Variants in UFSP2 observed in about 807,000 individuals in gnomAD.
The protein encoded by UFSP2 is UFM1 specific peptidase 2.
Under a neutral mutation model 60.2 loss-of-function variants are expected in UFSP2, and 43 were observed. The observed-to-expected ratio is 0.71, with a 90% CI of 0.56 to 0.92. UFSP2 has a LOEUF of 0.92. UFSP2 is among the 40% of genes least tolerant of loss of function. The probability of loss-of-function intolerance (pLI) is 0.00; values close to 1 mark genes in which losing one functional copy is unlikely to be tolerated. For synonymous variants in UFSP2, 183 were observed against 195.1 expected (o/e 0.94, Z 0.52); for missense variants, 520 against 575.0 (o/e 0.90, Z 0.98).
In UFSP2 at chr4:185,413,762, A is replaced by G; in HGVS notation, c.795T>C (p.His265=). ...PYKDGYIRNP[H]TYLNPPNMET... The stretch of plus-strand genomic sequence containing the variant: ...CCATGTTAGGTGGATTAAGGTAAGT[A>G]TGTGGATTTCTAATGTAACCATCTT... Residue 265 remains histidine, a synonymous_variant, in exon 7 of 12, where the codon CAT becomes CAC. Coordinates refer to ENST00000264689, the MANE Select transcript of UFSP2 (RefSeq NM_018359.5). 6.2e-7 allele frequency: 1 copy of G among 1,613,428 alleles called. No individual in the cohort carries two copies.
At chr4:185,425,824 C>T (rs2095558998) in intron 1 of UFSP2, 42 bp downstream of exon 1, 1 of 1,595,928 alleles carries the variant, frequency 6.3e-7, no homozygotes, top group South Asian at 1.1e-5. Flanking sequence ...TGCCAAAGTC[C>T]GGGGAAAAAC....
chr4:185,420,715 T>TA (rs1344693985), intron 2 of UFSP2, among the ~76,000 whole-genome samples: 4 of 152,034 alleles, frequency 2.6e-5, no homozygotes, highest in Admixed American at 6.6e-5. Context: ...TAAAGTTACC[T>TA]AAAAAAAACT....
chr4:185,402,390 A>T, intron 11 of UFSP2: 1 of 445,362 alleles, frequency 2.2e-6, no homozygotes, highest in Non-Finnish European at 4.5e-6. Flanking sequence ...CTGTAACAAC[A>T]CATTTCTATC....
rs780976023 is a variant in UFSP2, at chr4:185,399,756, TG to T, written c.*635del. The T allele has an allele frequency of 8.7e-6, 14 of 1,614,100 alleles. No homozygotes were observed. In the Admixed American group the frequency reaches 2.2e-4, roughly 25 times the overall value. ...GTCTCGGAAGTGTAGAAAATACCAG[TG>T]GGAAAAGGAAGTGCTGGTAAGTAAC... On this transcript the variant is annotated 3_prime_UTR_variant, in exon 12 of 12. Transcript: ENST00000264689.
chr4:185,414,162 CAT>C (rs1162458479), intron 6 of UFSP2, among the ~76,000 whole-genome samples: 3 of 152,132 alleles, frequency 2.0e-5, no homozygotes, highest in Non-Finnish European at 2.9e-5. Context: ...TTTATTACAA[CAT>C]AGTCTGTTAA....
chr4:185,418,162 G>A (rs1458581880), intron 4 of UFSP2, among the ~76,000 whole-genome samples: 3 of 151,960 alleles, frequency 2.0e-5, no homozygotes, highest in African/African-American at 7.3e-5. Context: ...TTCAGAATGC[G>A]ATTTAATTTA....
chr4:185,421,724 C>A (rs1355288250), intron 2 of UFSP2, among the ~76,000 whole-genome samples: 2 of 152,204 alleles, frequency 1.3e-5, no homozygotes, highest in African/African-American at 2.4e-5. Context: ...GCAAAACAGA[C>A]TAATACAGTA....
chr4:185,405,798 C>T lies in UFSP2; in HGVS notation c.1180G>A (p.Gly394Arg). Residue 394 changes from glycine to arginine, a missense_variant, in exon 10 of 12, where the codon GGA becomes AGA. Physicochemically the swap from Gly to Arg is moderately radical, Grantham distance 125. Transcript: ENST00000264689. ...RELANHFQSE[G>R]TPVMIGGGVL... ...AGCTTACCGATCATAACTGGAGTTC[C>T]TTCACTTTGGAAATGATTAGCCAGT... 1 of 1,614,024 alleles carries T rather than the reference C, an allele frequency of 6.2e-7. No individual in the cohort carries two copies. The highest frequency in any genetic ancestry group is 2.2e-5 in the East Asian group (1 of 44,856).
Position 185,415,197 on chromosome 4 carries a change from A to C in UFSP2, c.642T>G (p.Tyr214Ter), listed in dbSNP as rs776788760. 3 of 1,607,290 alleles carry C rather than the reference A, an allele frequency of 1.9e-6. No homozygotes were observed. Among genetic ancestry groups the C allele is most frequent in the Non-Finnish European group, 2.5e-6 (3 of 1,178,748 alleles). ...PGKKNLVTIS[Y>*]PSGIPDGQLQ... Reference sequence around the variant, plus strand: ...GCTGGCCATCTGGTATTCCTGAAGGATATGAAATTGTTACAAGATTTTTTT... The same window carrying C: ...GCTGGCCATCTGGTATTCCTGAAGGCTATGAAATTGTTACAAGATTTTTTT... Residue 214 changes from tyrosine to a stop codon, truncating the protein, a stop_gained, in exon 6 of 12, where the codon TAT becomes TAG. Transcript: ENST00000264689. LOFTEE classifies it high-confidence loss of function.
intron 9 of UFSP2, among the ~76,000 whole-genome samples, chr4:185,406,489 C>G (rs2095520619): frequency 6.6e-6 from 1 of 151,986 alleles, no homozygotes; most frequent in Non-Finnish European, 1.5e-5. Context: ...AACCTTAGCT[C>G]TTGCTTAATG....
At chr4:185,403,149 A>T (rs1227919608) in intron 11 of UFSP2, among the ~76,000 whole-genome samples, 3 of 152,242 alleles carry the variant, frequency 2.0e-5, no homozygotes, top group Non-Finnish European at 4.4e-5. Flanking sequence ...TAAAATTTTA[A>T]AAGTTTATAT....
intron 7 of UFSP2, among the ~76,000 whole-genome samples, chr4:185,410,957 A>G (rs543564143): frequency 1.3e-5 from 2 of 151,250 alleles, no homozygotes; most frequent in South Asian, 2.1e-4. Flanking sequence ...AAAAAAAAAA[A>G]AAAGAAAGAA....
chr4:185,400,712 A>T (rs1481302751), intron 11 of UFSP2: 2 of 384,256 alleles, frequency 5.2e-6, no homozygotes, highest in African/African-American at 4.2e-5. Context: ...ATTAAAAAAA[A>T]TTTACCTGTA....
chr4:185,404,211 A>G (rs570384491), intron 10 of UFSP2, among the ~76,000 whole-genome samples: 1 of 152,142 alleles, frequency 6.6e-6, no homozygotes, highest in East Asian at 1.9e-4. Context: ...CCAACAGAGT[A>G]ACAATCTGCT....
At chr4:185,416,284 A>G (rs1451047772) in intron 4 of UFSP2, among the ~76,000 whole-genome samples, 3 of 152,256 alleles carry the variant, frequency 2.0e-5, no homozygotes, top group Admixed American at 6.5e-5. Context: ...TCGTTACATG[A>G]TTCTCTCCAC....
At chr4:185,407,146 G>A (rs923842115) in intron 9 of UFSP2, among the ~76,000 whole-genome samples, 5 of 149,994 alleles carry the variant, frequency 3.3e-5, no homozygotes, top group Admixed American at 6.6e-5. Context: ...CACCTCCTGG[G>A]TTCAAGCGAT....
Position 185,400,477 on chromosome 4 carries a change from C to A in UFSP2, c.1325G>T (p.Gly442Val). The change falls in exon 12 of 12, where the codon GGC becomes GTC. Residue 442 changes from glycine (G) to valine (V), a missense_variant and splice_region_variant. Coordinates refer to ENST00000264689, the MANE Select transcript of UFSP2 (RefSeq NM_018359.5). ...ATCTGGGCCCTTCCATCCGCACCAG[C>A]CCTGGATAGAGAAGACGGGAAAGGA... ...AEDLQVILEK[G>V]WCGWKGPDFW... 1 of 1,611,316 alleles carries A rather than the reference C, an allele frequency of 6.2e-7. No homozygotes were observed. The highest frequency in any genetic ancestry group is 8.5e-7 in the Non-Finnish European group (1 of 1,178,378).
At chr4:185,416,896 A>G (rs1418649280) in intron 4 of UFSP2, among the ~76,000 whole-genome samples, 1 of 152,238 alleles carries the variant, frequency 6.6e-6, no homozygotes, top group African/African-American at 2.4e-5. Flanking sequence ...CAGATTTAGA[A>G]AAATCACCAC....
intron 11 of UFSP2, among the ~76,000 whole-genome samples, chr4:185,401,915 C>A (rs546718713): frequency 6.6e-6 from 1 of 152,228 alleles, no homozygotes; most frequent in Admixed American, 6.5e-5. Context: ...AAGGCTTCTC[C>A]CTGCCTTTAA....
Sources: gnomAD v4.1 joint callset for allele counts (sites outside exome capture counted in the v4.1 genomes callset) on GRCh38, gnomAD v4.1.1 for gene constraint, MANE v1.5 for transcripts, NCBI Gene and HGNC (gene_info 2026-07-23, HGNC 2026-07-21) for gene names.